The following CELF4 variants were observed in gnomAD, a reference collection of about 807,000 sequenced individuals.
CELF4 encodes the protein CUG-BP- and ETR-3-like factor 4.
Under a neutral mutation model 59.9 loss-of-function variants are expected in CELF4, and 18 were observed. That is an observed-to-expected ratio of 0.30 (90% confidence interval 0.21 to 0.45). The LOEUF (loss-of-function observed/expected upper bound fraction) is 0.45. Among genes scored for constraint, CELF4 ranks in the 20% least tolerant of loss-of-function variants. The pLI is 1.00. For missense variants in CELF4, 456 were observed against 689.0 expected (o/e 0.66, Z 3.79); for synonymous variants, 261 against 267.1 (o/e 0.98, Z 0.22).
chr18:37,350,582 T>C (rs141532028), intron 2 of CELF4, among the ~76,000 whole-genome samples: 5 of 152,282 alleles, frequency 3.3e-5, no homozygotes, highest in Admixed American at 6.5e-5. Context: ...CTCCCCTTTC[T>C]GAAATTTCCC....
chr18:37,508,248 AG>A (rs1332579149), intron 1 of CELF4, among the ~76,000 whole-genome samples: 1 of 152,062 alleles, frequency 6.6e-6, no homozygotes, highest in African/African-American at 2.4e-5. Flanking sequence ...GTGCCAGTGG[AG>A]ATTGGGGTTG....
intron 2 of CELF4, among the ~76,000 whole-genome samples, chr18:37,465,675 A>G (rs2099806198): frequency 6.6e-6 from 1 of 152,174 alleles, no homozygotes; most frequent in African/African-American, 2.4e-5. Context: ...GATAAAATTC[A>G]TAATATAAAA....
intron 2 of CELF4, among the ~76,000 whole-genome samples, chr18:37,373,650 C>T (rs902469031): frequency 3.3e-5 from 5 of 152,174 alleles, no homozygotes; most frequent in South Asian, 2.1e-4. Flanking sequence ...GTGCCCAGAG[C>T]GAGCCAGGTC....
rs1444975776 is a variant in CELF4, at chr18:37,320,166, T to G, written c.448+1637A>C. On this transcript the variant is annotated intron_variant, in intron 3 of 12. Coordinates refer to ENST00000420428, the MANE Select transcript of CELF4 (RefSeq NM_020180.4). ...TCCTGGCTAACACAGTGAAACCCCA[T>G]CTCTACTAAAAATACAAAAATTAGC... Among the ~76,000 whole-genome samples, 3 of 152,026 alleles carry G rather than the reference T, an allele frequency of 2.0e-5. No individual in the cohort carries two copies. In the East Asian group the frequency reaches 5.8e-4, roughly 30 times the overall value.
At chr18:37,279,069 C>T (rs529298770) in intron 3 of CELF4, among the ~76,000 whole-genome samples, 6 of 152,262 alleles carry the variant, frequency 3.9e-5, no homozygotes, top group Non-Finnish European at 7.4e-5. Context: ...ACTCCTGGTA[C>T]AGGCAGAGAA....
At chr18:37,429,470 T>C (rs191058549) in intron 2 of CELF4, among the ~76,000 whole-genome samples, 3 of 152,340 alleles carry the variant, frequency 2.0e-5, no homozygotes, top group Non-Finnish European at 4.4e-5. Flanking sequence ...TGTGTGCCTA[T>C]GTGTGCCAGC....
At chr18:37,375,204 T>C (rs1449845862) in intron 2 of CELF4, among the ~76,000 whole-genome samples, 1 of 152,168 alleles carries the variant, frequency 6.6e-6, no homozygotes. Flanking sequence ...TAAATATTTA[T>C]ACAGATACCT....
chr18:37,301,153 C>A (rs1273820154), intron 3 of CELF4, among the ~76,000 whole-genome samples: 1 of 152,130 alleles, frequency 6.6e-6, no homozygotes, highest in Non-Finnish European at 1.5e-5. Context: ...GAGGAGAGTT[C>A]AGATGAGCAA....
chr18:37,403,695 C>T (rs1171488671), intron 2 of CELF4, among the ~76,000 whole-genome samples: 2 of 152,164 alleles, frequency 1.3e-5, no homozygotes, highest in Non-Finnish European at 2.9e-5. Context: ...TGTGTGTTCC[C>T]CTTTGCAGAA....
chr18:37,409,986 T>C (rs1338142907), intron 2 of CELF4, among the ~76,000 whole-genome samples: 1 of 152,102 alleles, frequency 6.6e-6, no homozygotes, highest in African/African-American at 2.4e-5. Flanking sequence ...GGAATTTTGG[T>C]TGGCTGCTAA....
In CELF4 at chr18:37,273,126, G is replaced by A. The variant is rs41430646; in HGVS notation, c.839C>T (p.Ala280Val). The change falls in exon 7 of 13, where the codon GCG becomes GTG. Residue 280 changes from alanine to valine, a missense_variant. Physicochemically the swap from Ala to Val is moderately conservative, Grantham distance 64. Coordinates refer to ENST00000420428, the MANE Select transcript of CELF4 (RefSeq NM_020180.4). ...QQQAALMASV[A>V]QGGYLNPMAA... ...CATGGGGTTCAGGTAGCCGCCCTGCGCGACTGATGCCATCAGGGCCGCTTG... is the reference window on the plus strand; with the variant it reads ...CATGGGGTTCAGGTAGCCGCCCTGCACGACTGATGCCATCAGGGCCGCTTG... 2.0e-5 allele frequency: 32 copies of A among 1,613,306 alleles called. No homozygotes were observed. Among genetic ancestry groups the A allele is most frequent in the Middle Eastern group, 1.7e-4 (1 of 6,026 alleles).
intron 2 of CELF4, among the ~76,000 whole-genome samples, chr18:37,400,331 TG>T (rs2154580903): frequency 4.5e-5 from 1 of 22,168 alleles, no homozygotes; most frequent in South Asian, 2.8e-3. Context: ...TATGTATATG[TG>T]TGTGTATGTA....
intron 3 of CELF4, among the ~76,000 whole-genome samples, chr18:37,319,308 C>A (rs890702693): frequency 6.6e-6 from 1 of 152,206 alleles, no homozygotes; most frequent in African/African-American, 2.4e-5. Flanking sequence ...GGGCTTCGCT[C>A]ACGTGGGCCC....
At chr18:37,467,271 G>T (rs2099811375) in intron 2 of CELF4, among the ~76,000 whole-genome samples, 1 of 152,108 alleles carries the variant, frequency 6.6e-6, no homozygotes, top group African/African-American at 2.4e-5. Context: ...TACAGGACAG[G>T]TAACTTGTTA....
chr18:37,540,284 G>A (rs2099976855), intron 1 of CELF4, among the ~76,000 whole-genome samples: 1 of 152,252 alleles, frequency 6.6e-6, no homozygotes, highest in Non-Finnish European at 1.5e-5. Context: ...CCAGCCCAGA[G>A]CCTCCCAGGT....
chr18:37,424,855 C>A (rs2099601953), intron 2 of CELF4, among the ~76,000 whole-genome samples: 1 of 152,172 alleles, frequency 6.6e-6, no homozygotes, highest in Non-Finnish European at 1.5e-5. Context: ...CCACACACTC[C>A]TGACCCTGCC....
chr18:37,266,124 C>G (rs2077414353), intron 9 of CELF4: 1 of 314,654 alleles, frequency 3.2e-6, no homozygotes, highest in African/African-American at 2.2e-5. Flanking sequence ...AACCAGGCAT[C>G]TGTGCTTCCT....
intron 2 of CELF4, among the ~76,000 whole-genome samples, chr18:37,393,929 CAAA>C (rs1358452113): frequency 1.0e-4 from 14 of 137,456 alleles, no homozygotes; most frequent in Non-Finnish European, 9.3e-5. Context: ...AAAAAAAAGG[CAAA>C]AACACCCCAC....
At chr18:37,332,016 G>A (rs920997092) in intron 2 of CELF4, among the ~76,000 whole-genome samples, 1 of 152,186 alleles carries the variant, frequency 6.6e-6, no homozygotes, top group Admixed American at 6.5e-5. Context: ...GCAGCTGCAC[G>A]TGCAGGAGGT....
Sources: allele counts gnomAD v4.1 joint callset (sites outside exome capture counted in the v4.1 genomes callset), GRCh38; gene constraint gnomAD v4.1.1; transcripts MANE v1.5; gene names NCBI Gene and HGNC (gene_info 2026-07-23, HGNC 2026-07-21).